Variants in MYT1L observed in about 807,000 individuals in gnomAD.
The protein encoded by MYT1L is myelin transcription factor 1-like protein.
A neutral mutation model predicts 126.7 loss-of-function variants in MYT1L; 12 were observed. The ratio of observed to expected loss-of-function variants is 0.09; its 90% confidence interval spans 0.06 to 0.15. The LOEUF (loss-of-function observed/expected upper bound fraction) is 0.15, where lower values mean the gene tolerates loss of function less well. Among genes scored for constraint, MYT1L ranks in the 10% least tolerant of loss-of-function variants. The pLI, the probability that MYT1L is intolerant of heterozygous loss-of-function variation, is 1.00. For synonymous variants in MYT1L, 541 were observed against 604.2 expected (o/e 0.90, Z 1.53); for missense variants, 979 against 1,585.2 (o/e 0.62, Z 6.49).
intron 3 of MYT1L, among the ~76,000 whole-genome samples, chr2:2,110,836 C>T (rs2079347227): frequency 6.6e-6 from 1 of 152,110 alleles, no homozygotes; most frequent in Non-Finnish European, 1.5e-5. Context: ...TTATGGGGGG[C>T]AGTATGGAGG....
chr2:2,137,493 T>C (rs994646165), intron 3 of MYT1L, among the ~76,000 whole-genome samples: 5 of 152,076 alleles, frequency 3.3e-5, no homozygotes, highest in Admixed American at 6.6e-5. Flanking sequence ...AAAACAGAGA[T>C]ATAGATCAAT....
intron 2 of MYT1L, among the ~76,000 whole-genome samples, chr2:2,214,246 CAT>C (rs1559357289): frequency 6.7e-6 from 1 of 149,496 alleles, no homozygotes; most frequent in African/African-American, 2.5e-5. Context: ...AAAAAAGAAA[CAT>C]GAGACAAATT....
In MYT1L at chr2:1,896,533, A is replaced by G. The variant is rs1174231535; in HGVS notation, c.2033-4246T>C. Among the ~76,000 whole-genome samples, 4 of 152,266 alleles carry G rather than the reference A, an allele frequency of 2.6e-5. No homozygotes were observed. The East Asian group carries it at 7.7e-4, about 29-fold the overall frequency. On this transcript the variant is annotated intron_variant, in intron 14 of 24. Coordinates refer to ENST00000647738, the MANE Select transcript of MYT1L (RefSeq NM_001303052.2). The stretch of plus-strand genomic sequence containing the variant: ...AAACAATAAAGTCTAAAGTCATGTC[A>G]TTTGCAGTAACATGGATGGTGCTGG...
intron 8 of MYT1L, among the ~76,000 whole-genome samples, chr2:1,963,961 T>C (rs1216249132): frequency 6.6e-6 from 1 of 152,262 alleles, no homozygotes; most frequent in East Asian, 1.9e-4. Flanking sequence ...ACAAGTCGGC[T>C]GTTTGGCACA....
At chr2:2,303,339 T>C (rs1317660629) in intron 1 of MYT1L, 1 of 152,266 alleles carries the variant, frequency 6.6e-6, no homozygotes, top group Admixed American at 6.5e-5. Context: ...TACTTCTTAC[T>C]GAGGTCATGC....
intron 4 of MYT1L, among the ~76,000 whole-genome samples, chr2:2,032,546 T>C (rs1291580360): frequency 9.6e-3 from 584 of 60,680 alleles, no homozygotes; most frequent in Middle Eastern, 0.025. Context: ...CTTACACACA[T>C]CCCTCCCCAG....
In MYT1L at chr2:1,912,273, A is replaced by G. The variant is rs576574856; in HGVS notation, c.1619-163T>C. Among the ~76,000 whole-genome samples the G allele has an allele frequency of 3.3e-5, 5 of 152,016 alleles. No individual in the cohort carries two copies. Among genetic ancestry groups the G allele is most frequent in the Admixed American group, 1.3e-4 (2 of 15,262 alleles). On this transcript the variant is annotated intron_variant, in intron 11 of 24. Transcript: ENST00000647738. This position sits in a 1 kb window ranked among gnomAD's most constrained non-coding sequence, Gnocchi z 4.3. ...GGAAAACACACATGGGAGGAGAAAGAAGGTTGACTGGACCCTACGGACCCT... is the reference window on the plus strand; with the variant it reads ...GGAAAACACACATGGGAGGAGAAAGGAGGTTGACTGGACCCTACGGACCCT...
At chr2:1,822,035 C>T (rs559932551) in intron 21 of MYT1L, among the ~76,000 whole-genome samples, 9 of 152,302 alleles carry the variant, frequency 5.9e-5, no homozygotes, top group African/African-American at 2.2e-4. Context: ...CACTCTAGGT[C>T]CCAGCCTCTT....
Position 1,979,279 on chromosome 2 carries a change from G to A in MYT1L, c.90-52C>T, listed in dbSNP as rs916743930. 7.7e-5 allele frequency: 117 copies of A among 1,529,282 alleles called. No individual in the cohort carries two copies. The highest frequency in any genetic ancestry group is 9.0e-5 in the East Asian group (4 of 44,234). 94.7% of individuals were successfully genotyped at this position (1,529,282 alleles called of 1,614,324 possible). ...GGTGCCGCAGGCAGGCAGGTGAGAC[G>A]GAAAGCTTCCGTGGCAGCAGAGAGA... is the stretch of plus-strand genomic sequence containing the variant. On this transcript the variant is annotated intron_variant, in intron 7 of 24. Coordinates refer to ENST00000647738, the MANE Select transcript of MYT1L (RefSeq NM_001303052.2). The surrounding 1 kb of genome is among the most constrained non-coding windows in gnomAD (Gnocchi z 4.0).
intron 2 of MYT1L, among the ~76,000 whole-genome samples, chr2:2,215,651 A>G (rs2093654489): frequency 6.6e-6 from 1 of 152,238 alleles, no homozygotes; most frequent in South Asian, 2.1e-4. Context: ...GTAAGGATAT[A>G]AGAGGTTTGA....
At chr2:1,818,333 G>A (rs1181078071) in intron 21 of MYT1L, among the ~76,000 whole-genome samples, 1 of 152,150 alleles carries the variant, frequency 6.6e-6, no homozygotes, top group East Asian at 1.9e-4. Context: ...TGCTGTCTGC[G>A]ATTCAGTATC....
chr2:2,032,038 G>A (rs1482007132), intron 4 of MYT1L, among the ~76,000 whole-genome samples: 7 of 115,390 alleles, frequency 6.1e-5, no homozygotes, highest in East Asian at 2.9e-4. Flanking sequence ...CACACCCCTC[G>A]CCAGTACCTC....
chr2:2,042,066 C>G (rs2067616736), intron 4 of MYT1L, among the ~76,000 whole-genome samples: 1 of 152,140 alleles, frequency 6.6e-6, no homozygotes, highest in South Asian at 2.1e-4. Flanking sequence ...CTGTTTAAAG[C>G]CAGAGACATT....
At chr2:2,220,430 T>A (rs952911090) in intron 2 of MYT1L, among the ~76,000 whole-genome samples, 2 of 152,106 alleles carry the variant, frequency 1.3e-5, no homozygotes, top group African/African-American at 4.8e-5. Flanking sequence ...ATGTTCAGGT[T>A]AAGATAAAAG....
At chr2:2,001,831 G>A (rs149134345) in intron 4 of MYT1L, among the ~76,000 whole-genome samples, 1 of 152,158 alleles carries the variant, frequency 6.6e-6, no homozygotes, top group Admixed American at 6.5e-5. Context: ...TTCCAACCTG[G>A]TACCCCGGGG....
chr2:2,195,206 C>T (rs2092747786), intron 2 of MYT1L, among the ~76,000 whole-genome samples: 1 of 152,176 alleles, frequency 6.6e-6, no homozygotes, highest in African/African-American at 2.4e-5. Flanking sequence ...TCATGATGAT[C>T]TGAATATCTG....
At chr2:1,857,637 T>G (rs2044080939) in intron 18 of MYT1L, among the ~76,000 whole-genome samples, 1 of 152,082 alleles carries the variant, frequency 6.6e-6, no homozygotes, top group African/African-American at 2.4e-5. Context: ...ATCCCCCGAA[T>G]TAAAACAAAA....
At chr2:2,307,981 C>A (rs901191893) in intron 1 of MYT1L, among the ~76,000 whole-genome samples, 2 of 151,714 alleles carry the variant, frequency 1.3e-5, no homozygotes, top group Non-Finnish European at 2.9e-5. Context: ...TGCTTCAGCA[C>A]ACTCTACCTA....
chr2:2,308,952 A>G (rs2095905833), intron 1 of MYT1L, among the ~76,000 whole-genome samples: 1 of 150,398 alleles, frequency 6.6e-6, no homozygotes, highest in Non-Finnish European at 1.5e-5. Context: ...TTCTATCCTT[A>G]CTCCACCTAC....
Sources: gnomAD v4.1 joint callset for allele counts (sites outside exome capture counted in the v4.1 genomes callset) on GRCh38, gnomAD v4.1.1 for gene constraint, Gnocchi (gnomAD v3.1) non-coding constraint, MANE v1.5 for transcripts, NCBI Gene and HGNC (gene_info 2026-07-23, HGNC 2026-07-21) for gene names.